The following NCAM1 variants were observed in gnomAD, a reference collection of about 807,000 sequenced individuals.
The protein encoded by NCAM1 is neural cell adhesion molecule 1.
A neutral mutation model predicts 109.8 loss-of-function variants in NCAM1; 14 were observed. The observed-to-expected ratio is 0.13, with a 90% CI of 0.08 to 0.20. The LOEUF (loss-of-function observed/expected upper bound fraction) is 0.20. Among genes scored for constraint, NCAM1 ranks in the 10% least tolerant of loss-of-function variants. The pLI is 1.00. For missense variants in NCAM1, 774 were observed against 1,109.9 expected, an observed-to-expected ratio of 0.70 and a Z score of 4.30; for synonymous variants, 418 against 442.9, an observed-to-expected ratio of 0.94 and a Z score of 0.70.
At chr11:112,992,234 T>C (rs1327272318) in intron 1 of NCAM1, among the ~76,000 whole-genome samples, 1 of 152,196 alleles carries the variant, frequency 6.6e-6, no homozygotes, top group East Asian at 1.9e-4. Context: ...TCATAAATTG[T>C]TAAAAATGCA....
At chr11:113,203,542 G>A (rs1350425024) in intron 2 of NCAM1, among the ~76,000 whole-genome samples, 1 of 152,242 alleles carries the variant, frequency 6.6e-6, no homozygotes, top group African/African-American at 2.4e-5. Flanking sequence ...TTCCAGCTCA[G>A]TGTCCTGGGC....
chr11:113,088,516 C>T (rs782532720), intron 1 of NCAM1, among the ~76,000 whole-genome samples: 2 of 140,608 alleles, frequency 1.4e-5, no homozygotes, highest in Non-Finnish European at 3.1e-5. Context: ...GCCCCTGCCC[C>T]ACTCAACCAT....
In NCAM1 at chr11:113,275,430, C is replaced by T. The variant is rs1302431941; in HGVS notation, c.*43C>T. 11 of 1,589,614 alleles carry T rather than the reference C, an allele frequency of 6.9e-6. No individual in the cohort carries two copies. The highest frequency in any genetic ancestry group is 2.7e-5 in the African/African-American group (2 of 74,118). ...GCAAAGATCAAAATAAAAAGTGACA[C>T]AGCAGCTTCACCAGAGCATTTCCAA... On this transcript the variant is annotated 3_prime_UTR_variant, in exon 20 of 20. Coordinates refer to ENST00000316851, the MANE Select transcript of NCAM1 (RefSeq NM_181351.5).
chr11:113,095,902 T>G (rs1939575132), intron 1 of NCAM1, among the ~76,000 whole-genome samples: 2 of 152,204 alleles, frequency 1.3e-5, no homozygotes, highest in African/African-American at 2.4e-5. Flanking sequence ...TGAATAATAA[T>G]AGCTGTTTTT....
In NCAM1 at chr11:113,233,352, A is replaced by C; in HGVS notation, c.1693+35A>C. 1.3e-6 allele frequency: 2 copies of C among 1,596,260 alleles called. No homozygotes were observed. Among genetic ancestry groups the C allele is most frequent in the Non-Finnish European group, 8.5e-7 (1 of 1,170,694 alleles). ...GCGAGTTGGTGTTTCCATTGGGATC[A>C]TGAGTGCCTCAGTACTCAGATGTCC... On this transcript the variant is annotated intron_variant, in intron 13 of 19. Transcript: ENST00000316851. This position sits in a 1 kb window ranked among gnomAD's most constrained non-coding sequence, Gnocchi z 4.5.
At chr11:113,170,470 A>G (rs1248502403) in intron 1 of NCAM1, among the ~76,000 whole-genome samples, 2 of 152,222 alleles carry the variant, frequency 1.3e-5, no homozygotes, top group Non-Finnish European at 2.9e-5. Flanking sequence ...GAAAATAGAA[A>G]TGCACTGGCT....
At chr11:113,050,210 G>A (rs1256156752) in intron 1 of NCAM1, among the ~76,000 whole-genome samples, 2 of 152,272 alleles carry the variant, frequency 1.3e-5, no homozygotes, top group East Asian at 1.9e-4. Flanking sequence ...GGCTGGATAT[G>A]ATTTATGCTA....
chr11:113,185,724 G>A (rs781836288), intron 1 of NCAM1, among the ~76,000 whole-genome samples: 9 of 152,202 alleles, frequency 5.9e-5, no homozygotes, highest in Non-Finnish European at 1.0e-4. Flanking sequence ...GGGGCTTGAA[G>A]AGTTTAACTG....
At chr11:113,109,359 A>C (rs1277355275) in intron 1 of NCAM1, among the ~76,000 whole-genome samples, 4 of 151,590 alleles carry the variant, frequency 2.6e-5, no homozygotes, top group East Asian at 1.9e-4. Flanking sequence ...AAAAAAAGAA[A>C]AAAAAACAGA....
At chr11:113,132,139 G>T (rs1941414612) in intron 1 of NCAM1, among the ~76,000 whole-genome samples, 1 of 152,142 alleles carries the variant, frequency 6.6e-6, no homozygotes, top group Admixed American at 6.5e-5. Context: ...TAGCTTGCTG[G>T]AACACCATGC....
At chr11:113,096,948 A>G (rs914882174) in intron 1 of NCAM1, among the ~76,000 whole-genome samples, 2 of 151,500 alleles carry the variant, frequency 1.3e-5, no homozygotes, top group Non-Finnish European at 2.9e-5. Flanking sequence ...AGCAGGCACT[A>G]CTCCCTGCAA....
intron 1 of NCAM1, among the ~76,000 whole-genome samples, chr11:113,036,964 C>T (rs571119821): frequency 1.8e-3 from 276 of 152,202 alleles, no homozygotes; most frequent in South Asian, 8.3e-3. Context: ...CAGCTTTTTT[C>T]ACTGTGCTTT....
chr11:112,974,996 G>C (rs550821466), intron 1 of NCAM1, among the ~76,000 whole-genome samples: 2 of 151,930 alleles, frequency 1.3e-5, no homozygotes, highest in Non-Finnish European at 2.9e-5. Context: ...TATCTTGCAC[G>C]TTTTAGGGTA....
intron 1 of NCAM1, among the ~76,000 whole-genome samples, chr11:113,067,444 G>A (rs1938021342): frequency 6.6e-6 from 1 of 152,222 alleles, no homozygotes; most frequent in Admixed American, 6.5e-5. Flanking sequence ...TAAAGAGTCT[G>A]TATACCTTTG....
intron 1 of NCAM1, among the ~76,000 whole-genome samples, chr11:113,186,515 C>T (rs1943513174): frequency 6.6e-6 from 1 of 152,212 alleles, no homozygotes; most frequent in Non-Finnish European, 1.5e-5. Flanking sequence ...AAGGCACAAG[C>T]TAATTGCTAT....
intron 1 of NCAM1, among the ~76,000 whole-genome samples, chr11:112,977,148 T>G (rs1293722096): frequency 6.6e-6 from 1 of 151,660 alleles, no homozygotes; most frequent in Non-Finnish European, 1.5e-5. Flanking sequence ...GGAAATAATG[T>G]GATTAGAGAT....
At chr11:113,004,279 G>A (rs182858931) in intron 1 of NCAM1, among the ~76,000 whole-genome samples, 1,528 of 152,222 alleles carry the variant, frequency 0.01, 26 homozygotes, top group African/African-American at 0.034. Context: ...TGGATCACAA[G>A]GTCAGGAGTT....
chr11:113,154,613 T>C (rs1222731652), intron 1 of NCAM1, among the ~76,000 whole-genome samples: 2 of 152,156 alleles, frequency 1.3e-5, no homozygotes, highest in Non-Finnish European at 2.9e-5. Context: ...TTCATATCCG[T>C]GTACTAGTGT....
intron 1 of NCAM1, among the ~76,000 whole-genome samples, chr11:113,135,391 A>G (rs1941560223): frequency 6.6e-6 from 1 of 152,156 alleles, no homozygotes; most frequent in South Asian, 2.1e-4. Flanking sequence ...GACACAGAAA[A>G]CAGACTTGGG....
Sources: allele counts gnomAD v4.1 joint callset (sites outside exome capture counted in the v4.1 genomes callset), GRCh38; gene constraint gnomAD v4.1.1; non-coding constraint Gnocchi (gnomAD v3.1); transcripts MANE v1.5; gene names NCBI Gene and HGNC (gene_info 2026-07-23, HGNC 2026-07-21).